Variants in POU2F1 observed in about 807,000 individuals in gnomAD.
POU2F1 encodes POU domain, class 2, transcription factor 1.
POU2F1 carries 16 observed loss-of-function variants against 84.9 expected under a neutral mutation model. The observed-to-expected ratio is 0.19, with a 90% CI of 0.13 to 0.29. POU2F1 has a LOEUF of 0.29. POU2F1 is among the 10% of genes least tolerant of loss of function. POU2F1 has a pLI of 1.00. For missense variants in POU2F1, 738 were observed against 942.6 expected, an observed-to-expected ratio of 0.78 and a Z score of 2.84; for synonymous variants, 368 against 368.3, an observed-to-expected ratio of 1.00 and a Z score of 0.01.
intron 2 of POU2F1, among the ~76,000 whole-genome samples, chr1:167,364,943 G>A (rs1446831739): frequency 2.0e-5 from 3 of 152,162 alleles, no homozygotes; most frequent in African/African-American, 7.2e-5. Context: ...CTGTTGTTTA[G>A]GATTAAAGGA....
chr1:167,328,246 ATCTAT>A (rs1656838499), intron 1 of POU2F1, among the ~76,000 whole-genome samples: 1 of 152,154 alleles, frequency 6.6e-6, no homozygotes, highest in Non-Finnish European at 1.5e-5. Context: ...CATTCAACTA[ATCTAT>A]TCTGTTAATT....
intron 1 of POU2F1, among the ~76,000 whole-genome samples, chr1:167,266,655 C>T (rs1028851987): frequency 7.1e-6 from 1 of 141,108 alleles, no homozygotes; most frequent in Non-Finnish European, 1.5e-5. Context: ...GATGGAGTCT[C>T]GCTCTGTTGC....
intron 2 of POU2F1, among the ~76,000 whole-genome samples, chr1:167,354,512 A>G (rs577486971): frequency 9.9e-5 from 15 of 152,194 alleles, no homozygotes; most frequent in African/African-American, 3.6e-4. Context: ...GGCTGGTCTC[A>G]GACTCCTGAC....
At chr1:167,223,222 A>G (rs1366903063) in intron 1 of POU2F1, among the ~76,000 whole-genome samples, 2 of 152,202 alleles carry the variant, frequency 1.3e-5, no homozygotes, top group Non-Finnish European at 2.9e-5. Flanking sequence ...AAACATAGGC[A>G]TTGCGTTTAC....
chr1:167,296,616 A>G (rs1654303148), intron 1 of POU2F1, among the ~76,000 whole-genome samples: 1 of 152,212 alleles, frequency 6.6e-6, no homozygotes, highest in Non-Finnish European at 1.5e-5. Flanking sequence ...GAATTCAGCT[A>G]AAATTCTTTT....
At chr1:167,369,872 A>T (rs1387691791) in intron 3 of POU2F1, among the ~76,000 whole-genome samples, 1 of 151,866 alleles carries the variant, frequency 6.6e-6, no homozygotes, top group African/African-American at 2.4e-5. Context: ...AAACAATGTT[A>T]TGTAAGGAGC....
At chr1:167,287,453 A>G (rs1653612964) in intron 1 of POU2F1, among the ~76,000 whole-genome samples, 1 of 152,228 alleles carries the variant, frequency 6.6e-6, no homozygotes, top group Non-Finnish European at 1.5e-5. Flanking sequence ...AGAACCTAGG[A>G]AAAAAGACAA....
chr1:167,397,540 G>A (rs1010687225), intron 10 of POU2F1, among the ~76,000 whole-genome samples: 2 of 152,084 alleles, frequency 1.3e-5, no homozygotes, highest in Non-Finnish European at 2.9e-5. Context: ...TATATATATT[G>A]GGGGGATGGG....
intron 1 of POU2F1, among the ~76,000 whole-genome samples, chr1:167,286,037 G>A (rs1234257661): frequency 6.6e-6 from 1 of 152,032 alleles, no homozygotes; most frequent in Non-Finnish European, 1.5e-5. Flanking sequence ...AGGTATGGCT[G>A]GAAAAGAAGA....
At chr1:167,338,383 C>T (rs1334355081) in intron 2 of POU2F1, 1 of 368,274 alleles carries the variant, frequency 2.7e-6, no homozygotes, top group African/African-American at 2.1e-5. Flanking sequence ...TTCTGGTCAA[C>T]AGTAGGCTAT....
chr1:167,293,018 A>G (rs1477461639), intron 1 of POU2F1, among the ~76,000 whole-genome samples: 1 of 152,218 alleles, frequency 6.6e-6, no homozygotes, highest in Non-Finnish European at 1.5e-5. Context: ...TAAATTAGTA[A>G]AGCCATATCT....
At chr1:167,317,778 G>A (rs1656019729) in intron 1 of POU2F1, among the ~76,000 whole-genome samples, 1 of 152,206 alleles carries the variant, frequency 6.6e-6, no homozygotes, top group Admixed American at 6.5e-5. Flanking sequence ...TCACAGTGCT[G>A]CAGAGATTTT....
At chr1:167,304,972 T>C (rs891137818) in intron 1 of POU2F1, among the ~76,000 whole-genome samples, 2 of 152,118 alleles carry the variant, frequency 1.3e-5, no homozygotes, top group Admixed American at 6.5e-5. Flanking sequence ...TGGGGGTAAA[T>C]AAGGCTTATT....
chr1:167,286,538 T>G (rs1363783908), intron 1 of POU2F1, among the ~76,000 whole-genome samples: 2 of 152,228 alleles, frequency 1.3e-5, no homozygotes, highest in African/African-American at 4.8e-5. Flanking sequence ...GTCTGCTAAT[T>G]CTTATTTTCC....
chr1:167,312,882 T>C (rs1655602649), intron 1 of POU2F1, among the ~76,000 whole-genome samples: 1 of 152,278 alleles, frequency 6.6e-6, no homozygotes. Context: ...GAAATACTTG[T>C]TAGAAATGCA....
At chr1:167,273,024 A>G (rs1377593399) in intron 1 of POU2F1, among the ~76,000 whole-genome samples, 1 of 152,102 alleles carries the variant, frequency 6.6e-6, no homozygotes, top group Admixed American at 6.5e-5. Context: ...GAGTAAACAC[A>G]CCCATTCCAA....
intron 5 of POU2F1, among the ~76,000 whole-genome samples, chr1:167,372,595 G>C (rs1409741509): frequency 2.0e-5 from 3 of 152,156 alleles, no homozygotes; most frequent in African/African-American, 7.2e-5. Flanking sequence ...CATTACTGTT[G>C]TAAAGATTGG....
intron 1 of POU2F1, among the ~76,000 whole-genome samples, chr1:167,302,152 A>G (rs1654747030): frequency 6.6e-6 from 1 of 151,214 alleles, no homozygotes; most frequent in East Asian, 1.9e-4. Context: ...GCTTACTGCA[A>G]CCTCCACCTC....
chr1:167,382,584 A>T (rs1383657909), intron 7 of POU2F1, among the ~76,000 whole-genome samples: 1 of 152,180 alleles, frequency 6.6e-6, no homozygotes, highest in African/African-American at 2.4e-5. Context: ...GATTATAAAG[A>T]TCACCCTAAC....
Sources: allele counts gnomAD v4.1 joint callset (sites outside exome capture counted in the v4.1 genomes callset), GRCh38; gene constraint gnomAD v4.1.1; transcripts MANE v1.5; gene names NCBI Gene and HGNC (gene_info 2026-07-23, HGNC 2026-07-21).